NRG3: variants seen among roughly 807,000 people sequenced by gnomAD.
The protein encoded by NRG3 is neuregulin 3.
A neutral mutation model predicts 66.9 loss-of-function variants in NRG3; 31 were observed. That is an observed-to-expected ratio of 0.46 (90% CI 0.35 to 0.63). NRG3 has a LOEUF of 0.63. Ranked by LOEUF, NRG3 falls within the 20% of genes least tolerant of loss-of-function variation. The pLI, the probability that NRG3 is intolerant of heterozygous loss-of-function variation, is 0.00. For missense variants in NRG3, 910 were observed against 878.9 expected (o/e 1.04, Z -0.45); for synonymous variants, 393 against 359.4 (o/e 1.09, Z -1.06).
At chr10:82,957,918 G>A (rs1369360339) in intron 5 of NRG3, among the ~76,000 whole-genome samples, 2 of 151,978 alleles carry the variant, frequency 1.3e-5, no homozygotes, top group African/African-American at 4.8e-5. Flanking sequence ...GTGTGTGTGT[G>A]TGTGAGTGTT....
intron 1 of NRG3, among the ~76,000 whole-genome samples, chr10:82,197,179 T>C (rs539607074): frequency 1.3e-5 from 2 of 152,304 alleles, no homozygotes; most frequent in Non-Finnish European, 2.9e-5. Context: ...AGAAACTTCA[T>C]TGATTCATCT....
At chr10:82,803,890 C>CA (rs539374979) in intron 3 of NRG3, among the ~76,000 whole-genome samples, 15,242 of 152,224 alleles carry the variant, frequency 0.1, 874 homozygotes, top group Middle Eastern at 0.16. Context: ...CCAAGGTCAA[C>CA]CATAGTCCAA....
chr10:82,129,787 C>G (rs963629202), intron 1 of NRG3, among the ~76,000 whole-genome samples: 2 of 152,066 alleles, frequency 1.3e-5, no homozygotes, highest in African/African-American at 4.8e-5. Flanking sequence ...TCTCGAACTC[C>G]TGACCTCAAG....
intron 2 of NRG3, among the ~76,000 whole-genome samples, chr10:82,425,695 TTTGA>T (rs1203509752): frequency 1.3e-5 from 2 of 152,144 alleles, no homozygotes; most frequent in Non-Finnish European, 2.9e-5. Flanking sequence ...AACATTAGTC[TTTGA>T]TTGAGATTTT....
At chr10:82,459,147 A>G (rs903268476) in intron 2 of NRG3, among the ~76,000 whole-genome samples, 3 of 152,138 alleles carry the variant, frequency 2.0e-5, no homozygotes, top group African/African-American at 7.2e-5. Flanking sequence ...CACTTTGTTT[A>G]GTTCTTGGCA....
At chr10:82,983,732 GTTGTTA>G in intron 8 of NRG3, among the ~76,000 whole-genome samples, 1 of 152,318 alleles carries the variant, frequency 6.6e-6, no homozygotes, top group Admixed American at 6.5e-5. Context: ...GATGTTAGCT[GTTGTTA>G]TTAAGTCTGA....
chr10:82,508,956 T>G (rs1231008444), intron 2 of NRG3, among the ~76,000 whole-genome samples: 5 of 152,344 alleles, frequency 3.3e-5, no homozygotes, highest in African/African-American at 1.2e-4. Context: ...CCTAGTGATC[T>G]TATACACTTA....
intron 2 of NRG3, among the ~76,000 whole-genome samples, chr10:82,492,837 C>G (rs1843273139): frequency 6.6e-6 from 1 of 152,210 alleles, no homozygotes; most frequent in African/African-American, 2.4e-5. Flanking sequence ...AGTGATCTCT[C>G]TAATGTTAGG....
chr10:82,350,953 G>A (rs1188563617), intron 1 of NRG3, among the ~76,000 whole-genome samples: 2 of 151,484 alleles, frequency 1.3e-5, no homozygotes, highest in Non-Finnish European at 2.9e-5. Flanking sequence ...GTGCTGTGGC[G>A]CGATCTCGGC....
chr10:82,732,241 G>A (rs2057947205), intron 2 of NRG3, among the ~76,000 whole-genome samples: 1 of 152,100 alleles, frequency 6.6e-6, no homozygotes, highest in African/African-American at 2.4e-5. Context: ...TAAAGCTCAG[G>A]AAGTATGCCT....
At chr10:82,734,816 G>A (rs888925398) in intron 2 of NRG3, among the ~76,000 whole-genome samples, 1 of 152,010 alleles carries the variant, frequency 6.6e-6, no homozygotes, top group Non-Finnish European at 1.5e-5. Context: ...CCAGGAATTT[G>A]AGACCAACTT....
At chr10:82,806,800 T>C (rs1231857650) in intron 3 of NRG3, among the ~76,000 whole-genome samples, 2 of 152,222 alleles carry the variant, frequency 1.3e-5, no homozygotes, top group African/African-American at 2.4e-5. Flanking sequence ...AAGTCTCATG[T>C]GTTCCTCTGC....
chr10:82,464,574 G>A (rs900260657), intron 2 of NRG3, among the ~76,000 whole-genome samples: 2 of 152,186 alleles, frequency 1.3e-5, no homozygotes, highest in Admixed American at 1.3e-4. Flanking sequence ...TGGTCAGCTT[G>A]AGGCCTGGGT....
chr10:82,796,956 T>A (rs1405171664), intron 3 of NRG3, among the ~76,000 whole-genome samples: 1 of 151,960 alleles, frequency 6.6e-6, no homozygotes, highest in Non-Finnish European at 1.5e-5. Flanking sequence ...CAACCTAATA[T>A]TTTTTAAAAA....
rs568622351 is a variant in NRG3, at chr10:81,944,017, G to C, written c.823+67854G>C. 4.6e-5 allele frequency among the ~76,000 whole-genome samples: 7 copies of C among 152,296 alleles called. No individual in the cohort carries two copies. In the East Asian group the frequency reaches 1.4e-3, roughly 29 times the overall value. On this transcript the variant is annotated intron_variant, in intron 1 of 8. Transcript: ENST00000372141. ...TGAGATGGTTATGCTCCAGTACTGA[G>C]AGCCATAGGACAGGAGAGGGAAGGA...
At chr10:82,617,486 G>T (rs1400381137) in intron 2 of NRG3, among the ~76,000 whole-genome samples, 1 of 152,182 alleles carries the variant, frequency 6.6e-6, no homozygotes, top group Non-Finnish European at 1.5e-5. Context: ...GAAGGCCAAG[G>T]ACTTCTAGGG....
In NRG3 at chr10:82,185,520, C is replaced by T. The variant is rs559569929; in HGVS notation, c.824-173219C>T. On this transcript the variant is annotated intron_variant, in intron 1 of 8. Coordinates refer to ENST00000372141, the MANE Select transcript of NRG3 (RefSeq NM_001010848.4). The stretch of plus-strand genomic sequence containing the variant: ...GATAGTGAAAACAATTCCAAATTGA[C>T]ATCAGTTTTTCAAAATAAAATGGAT... 5.3e-5 allele frequency among the ~76,000 whole-genome samples: 8 copies of T among 152,272 alleles called. No individual in the cohort carries two copies. In the East Asian group the frequency reaches 1.5e-3, roughly 29 times the overall value.
In NRG3 at chr10:81,875,287, C is replaced by T. The variant is rs1378151679; in HGVS notation, c.-54C>T. On this transcript the variant is annotated 5_prime_UTR_variant, in exon 1 of 9. Transcript: ENST00000372141. The surrounding 1 kb of genome is among the most constrained non-coding windows in gnomAD (Gnocchi z 5.3). The stretch of plus-strand genomic sequence containing the variant: ...CGCGCCCGCGCCCGGCCCGCGCGGC[C>T]CCATGCCTCTGCCGCGGCCCTCGGG... The T allele has an allele frequency of 3.1e-6, 3 of 979,630 alleles. No homozygotes were observed. The highest frequency in any genetic ancestry group is 3.6e-6 in the Non-Finnish European group (3 of 827,134). The allele number at this position is 979,630 out of a possible 1,614,324, so 60.7% of individuals were successfully genotyped here. A position where few individuals can be genotyped will look rare whatever the true frequency, so the allele number is the denominator to read the frequency against.
intron 3 of NRG3, among the ~76,000 whole-genome samples, chr10:82,843,858 T>C (rs1000199163): frequency 3.3e-5 from 5 of 152,160 alleles, no homozygotes; most frequent in African/African-American, 1.2e-4. Context: ...TAAGTAATGA[T>C]AAAAGCACAA....
Sources: gnomAD v4.1 joint callset for allele counts (sites outside exome capture counted in the v4.1 genomes callset) on GRCh38, gnomAD v4.1.1 for gene constraint, Gnocchi (gnomAD v3.1) non-coding constraint, MANE v1.5 for transcripts, NCBI Gene and HGNC (gene_info 2026-07-23, HGNC 2026-07-21) for gene names.